LRRTM4: variants seen among roughly 807,000 people sequenced by gnomAD.
LRRTM4 encodes the protein leucine-rich repeat transmembrane neuronal protein 4.
A neutral mutation model predicts 47.6 loss-of-function variants in LRRTM4; 25 were observed. That is an observed-to-expected ratio of 0.53 (90% CI 0.38 to 0.73). The LOEUF is 0.73. Among genes scored for constraint, LRRTM4 ranks in the 30% least tolerant of loss-of-function variants. LRRTM4 has a pLI of 0.00. For synonymous variants in LRRTM4, 311 were observed against 269.5 expected, an observed-to-expected ratio of 1.15 and a Z score of -1.51; for missense variants, 638 against 713.4, an observed-to-expected ratio of 0.89 and a Z score of 1.20.
At position 76,816,773 on chromosome 2, in the gene LRRTM4, C is replaced by T. The variant is rs570040714; in HGVS notation, c.1552-67857G>A. ...TCCTCTTCCTTCTCCTTTCTCATGA[C>T]GTGCAAGTGGGTTATCTGAACACTG... is the stretch of plus-strand genomic sequence containing the variant. On this transcript the variant is annotated intron_variant, in intron 3 of 3. Coordinates refer to ENST00000409884, the MANE Select transcript of LRRTM4 (RefSeq NM_001134745.3). 9.8e-4 allele frequency among the ~76,000 whole-genome samples: 138 copies of T among 140,984 alleles called. 1 individual carries two copies. Among genetic ancestry groups the T allele is most frequent in the Admixed American group, 5.4e-3 (72 of 13,382 alleles). 92.5% of individuals were successfully genotyped at this position (140,984 alleles called of 152,430 possible).
intron 3 of LRRTM4, among the ~76,000 whole-genome samples, chr2:76,829,501 C>T (rs1671274842): frequency 6.6e-6 from 1 of 150,764 alleles, no homozygotes; most frequent in African/African-American, 2.4e-5. Flanking sequence ...ATCTGCACCA[C>T]ATCTAATCTC....
intron 3 of LRRTM4, among the ~76,000 whole-genome samples, chr2:77,329,181 C>T (rs1194029582): frequency 1.3e-5 from 2 of 152,176 alleles, no homozygotes; most frequent in Non-Finnish European, 2.9e-5. Context: ...TTATAATATA[C>T]TCAGCTAAGA....
intron 3 of LRRTM4, among the ~76,000 whole-genome samples, chr2:77,226,053 A>G (rs1462801773): frequency 6.0e-4 from 91 of 151,586 alleles, no homozygotes; most frequent in Non-Finnish European, 8.8e-5. Context: ...ATAAAGTTAT[A>G]TATTTTATAA....
intron 3 of LRRTM4, among the ~76,000 whole-genome samples, chr2:76,761,866 A>G (rs1673266018): frequency 6.6e-6 from 1 of 152,240 alleles, no homozygotes; most frequent in Non-Finnish European, 1.5e-5. Flanking sequence ...GCTTTAAAGC[A>G]ACCTGATGCT....
At chr2:77,230,509 T>C (rs1015438460) in intron 3 of LRRTM4, among the ~76,000 whole-genome samples, 4 of 152,160 alleles carry the variant, frequency 2.6e-5, no homozygotes, top group Non-Finnish European at 5.9e-5. Context: ...GTTCCTGATA[T>C]AATTTGAATA....
intron 3 of LRRTM4, among the ~76,000 whole-genome samples, chr2:77,008,802 G>T (rs558773464): frequency 1.3e-5 from 2 of 152,012 alleles, no homozygotes; most frequent in African/African-American, 2.4e-5. Flanking sequence ...ATGACGAGGC[G>T]CCGGCAATGC....
intron 3 of LRRTM4, among the ~76,000 whole-genome samples, chr2:77,225,161 A>G (rs777428237): frequency 9.3e-4 from 137 of 147,030 alleles, no homozygotes; most frequent in Non-Finnish European, 1.5e-3. Flanking sequence ...GGAATTGAAC[A>G]ATAAGAACAC....
At chr2:77,280,206 G>T (rs768543042) in intron 3 of LRRTM4, among the ~76,000 whole-genome samples, 17 of 151,916 alleles carry the variant, frequency 1.1e-4, no homozygotes, top group East Asian at 1.9e-4. Context: ...GGTAAAATGG[G>T]GCCATGACCC....
chr2:77,388,789 G>A (rs117584663), intron 3 of LRRTM4, among the ~76,000 whole-genome samples: 1 of 151,876 alleles, frequency 6.6e-6, no homozygotes, highest in African/African-American at 2.4e-5. Flanking sequence ...AATATATATA[G>A]AGAGAGATAT....
chr2:77,413,603 T>C (rs1252599498), intron 3 of LRRTM4, among the ~76,000 whole-genome samples: 1 of 152,112 alleles, frequency 6.6e-6, no homozygotes, highest in Non-Finnish European at 1.5e-5. Context: ...AATGTAACAA[T>C]TAGAAGGGTG....
intron 3 of LRRTM4, among the ~76,000 whole-genome samples, chr2:77,152,363 G>A (rs115041436): frequency 0.034 from 5,185 of 151,984 alleles, 122 homozygotes; most frequent in South Asian, 0.067. Flanking sequence ...GAGTCTCGCT[G>A]TGTTGCCCAG....
intron 3 of LRRTM4, among the ~76,000 whole-genome samples, chr2:76,911,151 C>T (rs1438767060): frequency 6.6e-6 from 1 of 152,080 alleles, no homozygotes; most frequent in East Asian, 1.9e-4. Flanking sequence ...GTCATAATTG[C>T]TTTTCTCGAA....
chr2:77,029,283 C>A (rs564083752), intron 3 of LRRTM4, among the ~76,000 whole-genome samples: 1 of 151,724 alleles, frequency 6.6e-6, no homozygotes, highest in African/African-American at 2.4e-5. Flanking sequence ...AAGATGAAGT[C>A]CCACAATAGG....
At chr2:77,476,127 G>A (rs1044977066) in intron 3 of LRRTM4, among the ~76,000 whole-genome samples, 29 of 152,066 alleles carry the variant, frequency 1.9e-4, no homozygotes, top group African/African-American at 7.0e-4. Flanking sequence ...TTTTCTCAGG[G>A]AGAAAATGTG....
chr2:77,457,107 T>C (rs1049818971), intron 3 of LRRTM4, among the ~76,000 whole-genome samples: 74 of 144,416 alleles, frequency 5.1e-4, no homozygotes, highest in African/African-American at 1.7e-3. Context: ...GTGATTTTTT[T>C]TTTCTCAGTG....
chr2:76,851,755 G>GTTTTTT (rs34184474), intron 3 of LRRTM4, among the ~76,000 whole-genome samples: 1 of 117,744 alleles, frequency 8.5e-6, no homozygotes. Context: ...ACTTTTATTC[G>GTTTTTT]TTTTTTTTTT....
At chr2:77,420,871 T>C (rs1482759411) in intron 3 of LRRTM4, among the ~76,000 whole-genome samples, 1 of 146,066 alleles carries the variant, frequency 6.8e-6, no homozygotes, top group Non-Finnish European at 1.5e-5. Context: ...AATGGGAATA[T>C]ATATATATAA....
At chr2:76,970,672 T>A (rs1384159162) in intron 3 of LRRTM4, among the ~76,000 whole-genome samples, 2 of 152,078 alleles carry the variant, frequency 1.3e-5, no homozygotes, top group African/African-American at 4.8e-5. Context: ...CATCTTCACA[T>A]ATGTTCTGCC....
chr2:77,006,629 C>T (rs1046428353), intron 3 of LRRTM4, among the ~76,000 whole-genome samples: 2 of 152,086 alleles, frequency 1.3e-5, no homozygotes, highest in African/African-American at 2.4e-5. Context: ...CAGACATCAT[C>T]ATGATGCACA....
Sources: gnomAD v4.1 joint callset for allele counts (sites outside exome capture counted in the v4.1 genomes callset) on GRCh38, gnomAD v4.1.1 for gene constraint, MANE v1.5 for transcripts, NCBI Gene and HGNC (gene_info 2026-07-23, HGNC 2026-07-21) for gene names.